The following NEK1 variants were observed in gnomAD, a reference collection of about 807,000 sequenced individuals.
NEK1 encodes serine/threonine-protein kinase Nek1.
In NEK1, 137 loss-of-function variants were observed where a neutral mutation model predicts 182.1. The ratio of observed to expected loss-of-function variants is 0.75; its 90% confidence interval spans 0.65 to 0.87. The LOEUF (loss-of-function observed/expected upper bound fraction) is 0.87. Ranked by LOEUF, NEK1 falls within the 40% of genes least tolerant of loss-of-function variation. The probability of loss-of-function intolerance (pLI) is 0.00; values close to 1 mark genes in which losing one functional copy is unlikely to be tolerated. For synonymous variants in NEK1, 513 were observed against 492.2 expected (o/e 1.04, Z -0.56); for missense variants, 1,391 against 1,494.4 (o/e 0.93, Z 1.14).
intron 26 of NEK1, among the ~76,000 whole-genome samples, chr4:169,475,942 G>GCAC (rs1481929035): frequency 1.3e-5 from 2 of 151,996 alleles, no homozygotes; most frequent in Non-Finnish European, 1.5e-5. Context: ...AGTAAAAAGA[G>GCAC]CACCACTGAG....
chr4:169,417,419 T>A (rs1734733063), intron 31 of NEK1, among the ~76,000 whole-genome samples: 1 of 152,188 alleles, frequency 6.6e-6, no homozygotes, highest in South Asian at 2.1e-4. Context: ...AGACTTCTGG[T>A]TTCTATTTGG....
At chr4:169,479,196 T>C (rs1408626160) in intron 24 of NEK1, among the ~76,000 whole-genome samples, 1 of 152,148 alleles carries the variant, frequency 6.6e-6, no homozygotes, top group Non-Finnish European at 1.5e-5. Flanking sequence ...TATTGTGATA[T>C]ATTTTCATCT....
chr4:169,448,384 T>C (rs920569388), intron 27 of NEK1, among the ~76,000 whole-genome samples: 2 of 152,142 alleles, frequency 1.3e-5, no homozygotes, highest in African/African-American at 4.8e-5. Context: ...CAGTTTAAAA[T>C]AGTGGGTTAT....
At chr4:169,443,436 T>C (rs1367132117) in intron 27 of NEK1, among the ~76,000 whole-genome samples, 1 of 119,692 alleles carries the variant, frequency 8.4e-6, no homozygotes, top group Admixed American at 1.0e-4. Flanking sequence ...GAAAAAAGAG[T>C]TTCTGAATGA....
chr4:169,537,701 T>C, intron 19 of NEK1, 108 bp downstream of exon 19: 1 of 837,688 alleles, frequency 1.2e-6, no homozygotes, highest in Non-Finnish European at 2.0e-6. Context: ...CCTCTTATTA[T>C]GCCTAGATTG....
Position 169,533,522 on chromosome 4 carries a change from C to T in NEK1, c.1665+4287G>A, listed in dbSNP as rs143320141. Reference sequence around the variant, plus strand: ...AGTCAACAGCACACTAAGAACAAGACTTTACAACAATTATATACTACCAGC... The same window carrying T: ...AGTCAACAGCACACTAAGAACAAGATTTTACAACAATTATATACTACCAGC... On this transcript the variant is annotated intron_variant, in intron 19 of 35. Coordinates refer to ENST00000507142, the MANE Select transcript of NEK1 (RefSeq NM_001199397.3). Among the ~76,000 whole-genome samples the T allele has an allele frequency of 4.6e-5, 7 of 152,252 alleles. No individual in the cohort carries two copies. In the East Asian group the frequency reaches 9.6e-4, roughly 21 times the overall value.
At chr4:169,485,943 G>A (rs769294770) in intron 23 of NEK1, among the ~76,000 whole-genome samples, 5 of 152,050 alleles carry the variant, frequency 3.3e-5, no homozygotes, top group Admixed American at 6.6e-5. Context: ...GCTATAGACA[G>A]GCTGAGGCAG....
At chr4:169,545,911 G>C (rs1760348170) in intron 18 of NEK1, among the ~76,000 whole-genome samples, 1 of 152,150 alleles carries the variant, frequency 6.6e-6, no homozygotes, top group Admixed American at 6.5e-5. Flanking sequence ...ACCACCCAAG[G>C]AAATAAAAGA....
At chr4:169,512,325 A>C (rs1754324013) in intron 19 of NEK1, among the ~76,000 whole-genome samples, 1 of 152,084 alleles carries the variant, frequency 6.6e-6, no homozygotes, top group African/African-American at 2.4e-5. Context: ...ATAGGTGTGA[A>C]GTGATAACAT....
chr4:169,507,319 G>A (rs1753474119), intron 22 of NEK1, among the ~76,000 whole-genome samples, 187 bp from the exon 23 acceptor site: 1 of 151,134 alleles, frequency 6.6e-6, no homozygotes, highest in Admixed American at 6.6e-5. Flanking sequence ...TTGACATACA[G>A]CAGGTGTTCA....
chr4:169,554,264 A>C (rs1761835227), intron 18 of NEK1: 1 of 152,252 alleles, frequency 6.6e-6, no homozygotes, highest in Non-Finnish European at 1.5e-5. Context: ...AAAAAATTTA[A>C]AAAATCAGCC....
intron 27 of NEK1, among the ~76,000 whole-genome samples, chr4:169,449,513 C>A (rs1241754101): frequency 6.6e-6 from 1 of 152,180 alleles, no homozygotes; most frequent in Non-Finnish European, 1.5e-5. Context: ...GTTCTGCAGC[C>A]TCCACTGGTG....
intron 16 of NEK1, among the ~76,000 whole-genome samples, chr4:169,560,080 C>T (rs1386268911): frequency 6.6e-6 from 1 of 152,206 alleles, no homozygotes; most frequent in Non-Finnish European, 1.5e-5. Flanking sequence ...TCTTCTATTG[C>T]TGTATAACAA....
intron 16 of NEK1, among the ~76,000 whole-genome samples, chr4:169,558,515 A>T (rs574125511): frequency 2.6e-5 from 4 of 152,350 alleles, no homozygotes; most frequent in African/African-American, 9.6e-5. Flanking sequence ...TCATGTAAAT[A>T]AAATCATAAA....
At chr4:169,591,249 G>T (rs958623943) in intron 5 of NEK1, among the ~76,000 whole-genome samples, 1 of 150,786 alleles carries the variant, frequency 6.6e-6, no homozygotes, top group Non-Finnish European at 1.5e-5. Flanking sequence ...GGGTTTAAAT[G>T]ATCCTCCAGC....
At chr4:169,524,530 A>G (rs930365087) in intron 19 of NEK1, among the ~76,000 whole-genome samples, 1 of 151,730 alleles carries the variant, frequency 6.6e-6, no homozygotes, top group Admixed American at 6.6e-5. Context: ...TAAAATTTTT[A>G]TAATACTCAA....
Position 169,477,214 on chromosome 4 carries a change from A to C in NEK1, c.2344T>G (p.Ser782Ala), listed in dbSNP as rs775915794. ...GCCTCCCACTTCTTGCGATCAGATG[A>C]AACTGATTTTTCTTTTTCATGCTCT... ...AKEHEKEKSV[S>A]SDRKKWEAGG... The change falls in exon 26 of 36, where the codon TCA becomes GCA. Residue 782 changes from serine (S) to alanine (A), a missense_variant. Ser to Ala is a moderately conservative substitution (Grantham distance 99, BLOSUM62 1). Around this residue, in one of 5 missense-constraint regions of NEK1, gnomAD observed 1,216 missense variants for 1,277.6 expected, o/e 0.95. Coordinates refer to ENST00000507142, the MANE Select transcript of NEK1 (RefSeq NM_001199397.3). 3.7e-6 allele frequency: 6 copies of C among 1,607,254 alleles called. No individual in the cohort carries two copies. The Admixed American group carries it at 1.0e-4, about 27-fold the overall frequency.
At chr4:169,522,136 A>G (rs1756170296) in intron 19 of NEK1, among the ~76,000 whole-genome samples, 2 of 152,326 alleles carry the variant, frequency 1.3e-5, no homozygotes, top group African/African-American at 2.4e-5. Context: ...ATCTTCTGTC[A>G]TCATCTCCAC....
chr4:169,507,755 TCAC>T lies in NEK1; in HGVS notation c.1868_1870del (p.Ser623_Glu624delinsLys). The stretch of plus-strand genomic sequence containing the variant: ...TTTTTTGCGCCTCATGTCAGCCTCT[TCAC>T]TTCCTTCTTGTCCTTCAGAATGATT... On this transcript the variant is annotated inframe_deletion, in exon 22 of 36. Transcript: ENST00000507142. 3.1e-6 allele frequency: 5 copies of T among 1,613,196 alleles called. No homozygotes were observed.
Sources: gnomAD v4.1 joint callset for allele counts (sites outside exome capture counted in the v4.1 genomes callset) on GRCh38, gnomAD v4.1.1 for gene constraint, gnomAD v4.1.1 regional missense constraint, MANE v1.5 for transcripts, NCBI Gene and HGNC (gene_info 2026-07-23, HGNC 2026-07-21) for gene names.